ADAM17: variants seen among roughly 807,000 people sequenced by gnomAD.
ADAM17 encodes disintegrin and metalloproteinase domain-containing protein 17.
Under a neutral mutation model 96.7 loss-of-function variants are expected in ADAM17, and 39 were observed. The observed-to-expected ratio is 0.40, with a 90% CI of 0.31 to 0.53. The LOEUF (loss-of-function observed/expected upper bound fraction) is 0.53, where lower values mean the gene tolerates loss of function less well. Ranked by LOEUF, ADAM17 falls within the 20% of genes least tolerant of loss-of-function variation. The pLI is 0.44. For missense variants in ADAM17, 777 were observed against 1,013.2 expected, an observed-to-expected ratio of 0.77 and a Z score of 3.17; for synonymous variants, 344 against 359.2, an observed-to-expected ratio of 0.96 and a Z score of 0.48.
chr2:9,540,399 T>G (rs1191518022), intron 2 of ADAM17, among the ~76,000 whole-genome samples: 2 of 151,948 alleles, frequency 1.3e-5, no homozygotes, highest in South Asian at 2.1e-4. Context: ...TTTTTTTTTT[T>G]GTTCCTTCAA....
At position 9,554,451 on chromosome 2, in the gene ADAM17, T is replaced by C. The variant is rs549389770; in HGVS notation, c.97+1058A>G. Among the ~76,000 whole-genome samples the C allele has an allele frequency of 6.6e-5, 10 of 152,294 alleles. No individual in the cohort carries two copies. In the South Asian group the frequency reaches 8.3e-4, roughly 13 times the overall value. ...CAATCGGAAAGAATCATAAGACAGC[T>C]GTTCAAGTGATAACACTCTCAACAC... On this transcript the variant is annotated intron_variant, in intron 1 of 18. Transcript: ENST00000310823.
Position 9,555,503 on chromosome 2 carries a change from C to G in ADAM17, c.97+6G>C. ...CCGGCCTAAGCCAACTCCCCTGGGTCTTTACCGAGTCTCTGGTGGGGGCCG... is the reference window on the plus strand; with the variant it reads ...CCGGCCTAAGCCAACTCCCCTGGGTGTTTACCGAGTCTCTGGTGGGGGCCG... On this transcript the variant is annotated splice_donor_region_variant and intron_variant, in intron 1 of 18. Transcript: ENST00000310823. 1 of 1,588,588 alleles carries G rather than the reference C, an allele frequency of 6.3e-7. No individual in the cohort carries two copies. The highest frequency in any genetic ancestry group is 8.6e-7 in the Non-Finnish European group (1 of 1,167,384).
rs73151554 is a variant in ADAM17, at chr2:9,537,285, C to G, written c.231-457G>C. Among the ~76,000 whole-genome samples the G allele has an allele frequency of 2.1e-3, 319 of 152,286 alleles. 1 individual carries two copies. The highest frequency in any genetic ancestry group is 7.4e-3 in the African/African-American group (307 of 41,560). On this transcript the variant is annotated intron_variant, in intron 2 of 18. Transcript: ENST00000310823. ...AATTGAGGCTTGGAAGCTAATCAAC[C>G]TACTCAAAGTTACACAGCTAGTAAA... is the stretch of plus-strand genomic sequence containing the variant.
intron 12 of ADAM17, among the ~76,000 whole-genome samples, chr2:9,504,628 T>C (rs1328281797): frequency 1.3e-5 from 2 of 149,260 alleles, no homozygotes; most frequent in African/African-American, 2.5e-5. Context: ...CCGGGCATGG[T>C]GGTGCGTGCC....
At chr2:9,523,398 C>T in intron 6 of ADAM17, 60 bp from the exon 7 acceptor site, 1 of 1,392,274 alleles carries the variant, frequency 7.2e-7, no homozygotes, top group Non-Finnish European at 1.0e-6. Flanking sequence ...CCTGGCAATG[C>T]AATATAAAAT....
chr2:9,531,775 G>C (rs925925645), intron 4 of ADAM17, among the ~76,000 whole-genome samples: 1 of 151,778 alleles, frequency 6.6e-6, no homozygotes, highest in African/African-American at 2.4e-5. Context: ...TATATAAATA[G>C]TAAGCTATGG....
chr2:9,528,043 A>G (rs1664596991), intron 4 of ADAM17, 89 bp from the exon 5 acceptor site: 1 of 907,712 alleles, frequency 1.1e-6, no homozygotes, highest in South Asian at 2.8e-5. Context: ...TTGTTCTTAG[A>G]TAACATTCAT....
intron 10 of ADAM17, among the ~76,000 whole-genome samples, chr2:9,514,747 T>C (rs1477413098): frequency 4.7e-5 from 7 of 150,400 alleles, no homozygotes; most frequent in South Asian, 2.1e-4. Flanking sequence ...GTGGTGGGGG[T>C]GCCTGTAGTC....
intron 11 of ADAM17, among the ~76,000 whole-genome samples, chr2:9,508,667 G>A (rs1663556003): frequency 6.6e-6 from 1 of 152,076 alleles, no homozygotes; most frequent in Non-Finnish European, 1.5e-5. Context: ...TCAGTTTCTA[G>A]CCACATTTCA....
intron 14 of ADAM17, 79 bp from the exon 15 acceptor site, chr2:9,494,846 C>A: frequency 6.4e-7 from 1 of 1,551,480 alleles, no homozygotes; most frequent in Non-Finnish European, 8.8e-7. Flanking sequence ...CCTCCCTGAC[C>A]ATGCTCCCAA....
Position 9,514,563 on chromosome 2 carries a change from ATAT to A in ADAM17, c.1191+3335_1191+3337del, listed in dbSNP as rs1663950360. Reference sequence around the variant, plus strand: ...TATATATATATATATATATATATATATATATAAATAAAAAGAGACAGGGTCTCA... The same window carrying A: ...TATATATATATATATATATATATATAATAAATAAAAAGAGACAGGGTCTCA... On this transcript the variant is annotated intron_variant, in intron 10 of 18. Coordinates refer to ENST00000310823, the MANE Select transcript of ADAM17 (RefSeq NM_003183.6). Among the ~76,000 whole-genome samples, 52 of 101,468 alleles carry A rather than the reference ATAT, an allele frequency of 5.1e-4. 1 individual carries two copies. The highest frequency in any genetic ancestry group is 1.9e-3 in the Admixed American group (18 of 9,586). 66.6% of individuals were successfully genotyped at this position (101,468 alleles called of 152,430 possible). A position where few individuals can be genotyped will look rare whatever the true frequency, so the allele number is the denominator to read the frequency against.
chr2:9,495,693 G>A (rs1330143704), intron 14 of ADAM17, among the ~76,000 whole-genome samples: 4 of 144,412 alleles, frequency 2.8e-5, no homozygotes, highest in African/African-American at 5.3e-5. Flanking sequence ...CAGCCTGGGC[G>A]AGAGTGAGAC....
At chr2:9,506,854 A>G (rs750632795) in intron 11 of ADAM17, 1 of 152,168 alleles carries the variant, frequency 6.6e-6, no homozygotes, top group Non-Finnish European at 1.5e-5. Context: ...TCAGAGTTAC[A>G]ACTCCCAAGC....
At chr2:9,495,860 C>CTT (rs34087915) in intron 14 of ADAM17, among the ~76,000 whole-genome samples, 3 of 138,654 alleles carry the variant, frequency 2.2e-5, no homozygotes, top group East Asian at 2.1e-4. Context: ...TACGTGTTAC[C>CTT]TTTTTTTTTT....
chr2:9,493,789 G>A lies in ADAM17; in HGVS notation c.1951C>T (p.Arg651Ter). The A allele has an allele frequency of 1.9e-6, 3 of 1,613,888 alleles. No individual in the cohort carries two copies. The highest frequency in any genetic ancestry group is 2.5e-6 in the Non-Finnish European group (3 of 1,179,948). ...CEKRVQDVIE[R>*]FWDFIDQLSI... ...AGCTGGTCAATGAAATCCCAAAATC[G>A]TTCAATTACATCCTGTACTCGTTTC... is the stretch of plus-strand genomic sequence containing the variant. The change falls in exon 16 of 19, where the codon CGA becomes TGA. Residue 651 changes from arginine to a stop codon, truncating the protein, a stop_gained. Coordinates refer to ENST00000310823, the MANE Select transcript of ADAM17 (RefSeq NM_003183.6). LOFTEE classifies it high-confidence loss of function.
chr2:9,509,978 C>T lies in ADAM17; in HGVS notation c.1344+1G>A. The T allele has an allele frequency of 6.2e-7, 1 of 1,613,856 alleles. No homozygotes were observed. Among genetic ancestry groups the T allele is most frequent in the Non-Finnish European group, 8.5e-7 (1 of 1,179,882 alleles). The stretch of plus-strand genomic sequence containing the variant: ...ATAAAAAATTCTCGACACACACATA[C>T]CTTATTGTTCTCGTGATCGCCACTC... On this transcript the variant is annotated splice_donor_variant, in intron 11 of 18. Transcript: ENST00000310823. LOFTEE classifies it high-confidence loss of function.
At chr2:9,497,816 T>A (rs1178194835) in intron 13 of ADAM17, among the ~76,000 whole-genome samples, 1 of 152,192 alleles carries the variant, frequency 6.6e-6, no homozygotes, top group African/African-American at 2.4e-5. Context: ...GCTAAGTTGA[T>A]GTGGCCTCCC....
chr2:9,489,814 TA>T lies in ADAM17; in HGVS notation c.*362del, dbSNP rs5829218. On this transcript the variant is annotated 3_prime_UTR_variant, in exon 19 of 19. Transcript: ENST00000310823. ...ATATTCAGCGGTTCATTACAGTGTA[TA>T]AAAAAAAACTGATCATTTCCCTAGT... 2.6e-5 allele frequency: 4 copies of T among 156,332 alleles called. No homozygotes were observed. The highest frequency in any genetic ancestry group is 1.9e-4 in the South Asian group (1 of 5,152). The allele number at this position is 156,332 out of a possible 1,614,324, so 9.7% of individuals were successfully genotyped here. A position where few individuals can be genotyped will look rare whatever the true frequency, so the allele number is the denominator to read the frequency against.
In ADAM17 at chr2:9,535,862, T is replaced by A; in HGVS notation, c.422A>T (p.Asn141Ile). 6.2e-7 allele frequency: 1 copy of A among 1,605,262 alleles called. No individual in the cohort carries two copies. Among genetic ancestry groups the A allele is most frequent in the Non-Finnish European group, 8.5e-7 (1 of 1,175,428 alleles). ...TATGTTATATTCGGCCCCATCTGTGTTGATTCTGATTATAACATCATCATC... is the reference window on the plus strand; with the variant it reads ...TATGTTATATTCGGCCCCATCTGTGATGATTCTGATTATAACATCATCATC... ...IRDDDVIIRI[N>I]TDGAEYNIEP... The change falls in exon 4 of 19, where the codon AAC (asparagine) becomes ATC (isoleucine). Residue 141 changes from asparagine to isoleucine, a missense_variant. Coordinates refer to ENST00000310823, the MANE Select transcript of ADAM17 (RefSeq NM_003183.6).
Sources: gnomAD v4.1 joint callset for allele counts (sites outside exome capture counted in the v4.1 genomes callset) on GRCh38, gnomAD v4.1.1 for gene constraint, MANE v1.5 for transcripts, NCBI Gene and HGNC (gene_info 2026-07-23, HGNC 2026-07-21) for gene names.